PSMB3: variants seen among roughly 807,000 people sequenced by gnomAD.
The protein encoded by PSMB3 is proteasome 20S subunit beta 3.
In PSMB3, 5 loss-of-function variants were observed where a neutral mutation model predicts 23.3. The ratio of observed to expected loss-of-function variants is 0.21; its 90% CI spans 0.11 to 0.45. The LOEUF is 0.45. PSMB3 is among the 20% of genes least tolerant of loss of function. The pLI, the probability that PSMB3 is intolerant of heterozygous loss-of-function variation, is 0.99. For synonymous variants in PSMB3, 85 were observed against 99.8 expected, an observed-to-expected ratio of 0.85 and a Z score of 0.88; for missense variants, 192 against 277.9, an observed-to-expected ratio of 0.69 and a Z score of 2.20.
chr17:38,762,843 T>C (rs897585329), intron 5 of PSMB3, among the ~76,000 whole-genome samples: 1 of 152,116 alleles, frequency 6.6e-6, no homozygotes, highest in Admixed American at 6.5e-5. Flanking sequence ...GTGGCTCGCA[T>C]CCTCTCTCCA....
intron 4 of PSMB3, 193 bp from the exon 5 acceptor site, chr17:38,762,218 T>A (rs1035015350): frequency 3.6e-6 from 2 of 558,342 alleles, no homozygotes; most frequent in Non-Finnish European, 6.4e-6. Context: ...TCTTTCACTT[T>A]CCTTTACATA....
chr17:38,763,786 G>A (rs1441344012), intron 5 of PSMB3, among the ~76,000 whole-genome samples: 1 of 152,154 alleles, frequency 6.6e-6, no homozygotes, highest in Admixed American at 6.5e-5. Context: ...GCAAGCATGA[G>A]CCACCGCGCC....
In PSMB3 at chr17:38,753,293, G is replaced by A; in HGVS notation, c.147G>A (p.Leu49=). Residue 49 remains leucine (L), a synonymous_variant, in exon 2 of 6, where the codon CTG becomes CTA. Coordinates refer to ENST00000619426, the MANE Select transcript of PSMB3 (RefSeq NM_002795.4). The stretch of plus-strand genomic sequence containing the variant: ...AGATCTTTCCCATGGGTGACCGGCT[G>A]TACATCGGTCTGGCCGGGCTCGCCA... ...FQKIFPMGDR[L]YIGLAGLATD... 1 of 1,614,164 alleles carries A rather than the reference G, an allele frequency of 6.2e-7. No homozygotes were observed. Among genetic ancestry groups the A allele is most frequent in the South Asian group, 1.1e-5 (1 of 91,086 alleles).
chr17:38,758,093 AGT>A, intron 3 of PSMB3, among the ~76,000 whole-genome samples: 1 of 152,286 alleles, frequency 6.6e-6, no homozygotes, highest in East Asian at 1.9e-4. Context: ...CTTTTACTGC[AGT>A]GTTTCAGACA....
At chr17:38,759,908 T>C (rs1275662293) in intron 3 of PSMB3, among the ~76,000 whole-genome samples, 1 of 152,192 alleles carries the variant, frequency 6.6e-6, no homozygotes, top group East Asian at 1.9e-4. Context: ...TGCCATTTCC[T>C]TTTGACAATG....
rs576054353 is a variant in PSMB3, at chr17:38,759,608, G to A, written c.297-823G>A. Among the ~76,000 whole-genome samples, 7 of 151,120 alleles carry A rather than the reference G, an allele frequency of 4.6e-5. No homozygotes were observed. The South Asian group carries it at 8.4e-4, about 18-fold the overall frequency. On this transcript the variant is annotated intron_variant, in intron 3 of 5. Coordinates refer to ENST00000619426, the MANE Select transcript of PSMB3 (RefSeq NM_002795.4). ...CGCTCAGGCTGGAGTGCAGTGGCGC[G>A]ATCTCGGCTCACTGCAAGCTCCGCC...
At position 38,757,683 on chromosome 17, in the gene PSMB3, C is replaced by T. The variant is rs1908264717; in HGVS notation, c.296+1693C>T. ...TGCAAAAATTAGCTGGGCGTGGTGG[C>T]ACACACCGGTAATCCCAGCTACTTG... On this transcript the variant is annotated intron_variant, in intron 3 of 5. Transcript: ENST00000619426. 2.0e-5 allele frequency among the ~76,000 whole-genome samples: 3 copies of T among 152,196 alleles called. No individual in the cohort carries two copies. The South Asian group carries it at 6.2e-4, about 32-fold the overall frequency.
rs1333292013 is a variant in PSMB3, at chr17:38,760,437, C to T, written c.303C>T (p.Gly101=). 6.2e-7 allele frequency: 1 copy of T among 1,613,956 alleles called. No homozygotes were observed. The highest frequency in any genetic ancestry group is 1.7e-5 in the Admixed American group (1 of 60,010). The change falls in exon 4 of 6, where the codon GGC becomes GGT. Residue 101 remains glycine (G), a synonymous_variant. Coordinates refer to ENST00000619426, the MANE Select transcript of PSMB3 (RefSeq NM_002795.4). ...VANLLYEKRF[G]PYYTEPVIAG... ...CTGATGCTGGCCCCCACAGGTTTGG[C>T]CCTTACTACACTGAGCCAGTCATTG...
intron 5 of PSMB3, 67 bp downstream of exon 5, chr17:38,762,572 C>T (rs2143253445): frequency 7.0e-7 from 1 of 1,430,946 alleles, no homozygotes; most frequent in African/African-American, 1.4e-5. Flanking sequence ...TCTCCACGAG[C>T]ATACACCCCA....
intron 2 of PSMB3, among the ~76,000 whole-genome samples, chr17:38,754,766 G>T (rs965615598): frequency 6.6e-6 from 1 of 152,138 alleles, no homozygotes; most frequent in Non-Finnish European, 1.5e-5. Flanking sequence ...TTCCTTACCT[G>T]GAAGATGAAG....
chr17:38,761,565 C>T (rs556034050), intron 4 of PSMB3, among the ~76,000 whole-genome samples: 2 of 152,224 alleles, frequency 1.3e-5, no homozygotes, highest in African/African-American at 4.8e-5. Context: ...ATCCAAATAC[C>T]TGTTGAACTG....
chr17:38,757,792 A>C (rs1399798549), intron 3 of PSMB3, among the ~76,000 whole-genome samples: 1 of 152,110 alleles, frequency 6.6e-6, no homozygotes, highest in Non-Finnish European at 1.5e-5. Flanking sequence ...AGTAGCTGGG[A>C]TTATAGGCGC....
chr17:38,762,588 C>T (rs1908491407), intron 5 of PSMB3, 83 bp downstream of exon 5: 15 of 1,334,830 alleles, frequency 1.1e-5, no homozygotes, highest in Non-Finnish European at 1.6e-5. Flanking sequence ...CCCCATTTTC[C>T]CAGCCCCCTG....
intron 3 of PSMB3, among the ~76,000 whole-genome samples, chr17:38,756,826 T>C (rs1244832372): frequency 1.3e-5 from 2 of 151,846 alleles, no homozygotes; most frequent in Non-Finnish European, 1.5e-5. Context: ...TTTAACTTTT[T>C]ATTTTGAAGT....
intron 4 of PSMB3, chr17:38,762,109 T>G: frequency 2.9e-6 from 1 of 343,074 alleles, no homozygotes; most frequent in Non-Finnish European, 5.3e-6. Context: ...GGGATTCTTC[T>G]CCCTATTTTA....
intron 3 of PSMB3, among the ~76,000 whole-genome samples, chr17:38,757,796 T>C (rs1422775773): frequency 6.6e-6 from 1 of 152,138 alleles, no homozygotes; most frequent in Non-Finnish European, 1.5e-5. Context: ...GCTGGGATTA[T>C]AGGCGCCTGC....
At position 38,752,817 on chromosome 17, in the gene PSMB3, C is replaced by T. The variant is rs1350328303; in HGVS notation, c.-10C>T. On this transcript the variant is annotated 5_prime_UTR_variant, in exon 1 of 6. Transcript: ENST00000619426. The surrounding 1 kb of genome is among the most constrained non-coding windows in gnomAD (Gnocchi z 5.5). Reference sequence around the variant, plus strand: ...CTCTGGCGATCGAGGGATCCTAGTACACCGCAATCATGGTGAGATGGGGAG... The same window carrying T: ...CTCTGGCGATCGAGGGATCCTAGTATACCGCAATCATGGTGAGATGGGGAG... 6.2e-7 allele frequency: 1 copy of T among 1,614,066 alleles called. No homozygotes were observed. The highest frequency in any genetic ancestry group is 8.5e-7 in the Non-Finnish European group (1 of 1,180,012).
chr17:38,755,678 ATATATGTG>A (rs1384899996), intron 2 of PSMB3, among the ~76,000 whole-genome samples, 197 bp from the exon 3 acceptor site: 19 of 107,088 alleles, frequency 1.8e-4, no homozygotes, highest in African/African-American at 6.8e-4. Context: ...ATATATATAT[ATATATGTG>A]TGTGTGTGTG....
Position 38,752,760 on chromosome 17 carries a change from C to A in PSMB3, c.-67C>A. 10 of 1,596,980 alleles carry A rather than the reference C, an allele frequency of 6.3e-6. No homozygotes were observed. Among genetic ancestry groups the A allele is most frequent in the Non-Finnish European group, 8.6e-6 (10 of 1,164,466 alleles). ...AGAGACAGCAGTGAGAGCGGTTGCG[C>A]AGTGAAGGCTAGACCCGGTTTACTG... On this transcript the variant is annotated 5_prime_UTR_variant, in exon 1 of 6. Coordinates refer to ENST00000619426, the MANE Select transcript of PSMB3 (RefSeq NM_002795.4). This position sits in a 1 kb window ranked among gnomAD's most constrained non-coding sequence, Gnocchi z 5.5.
Sources: gnomAD v4.1 joint callset for allele counts (sites outside exome capture counted in the v4.1 genomes callset) on GRCh38, gnomAD v4.1.1 for gene constraint, Gnocchi (gnomAD v3.1) non-coding constraint, MANE v1.5 for transcripts, NCBI Gene and HGNC (gene_info 2026-07-23, HGNC 2026-07-21) for gene names.